The following ZNF410 variants were observed in gnomAD, a reference collection of about 807,000 sequenced individuals.
ZNF410 encodes the protein another partner for ARF 1.
In ZNF410, 18 loss-of-function variants were observed where a neutral mutation model predicts 54.8. That is an observed-to-expected ratio of 0.33 (90% CI 0.23 to 0.49). The LOEUF is 0.49. Among genes scored for constraint, ZNF410 ranks in the 20% least tolerant of loss-of-function variants. The pLI, the probability that ZNF410 is intolerant of heterozygous loss-of-function variation, is 0.99. For missense variants in ZNF410, 405 were observed against 569.6 expected (o/e 0.71, Z 2.94); for synonymous variants, 191 against 207.3 (o/e 0.92, Z 0.68).
chr14:73,928,866 T>G (rs992980851), intron 11 of ZNF410, among the ~76,000 whole-genome samples: 3 of 152,096 alleles, frequency 2.0e-5, no homozygotes, highest in African/African-American at 7.2e-5. Flanking sequence ...GAGGATCAAC[T>G]TGAGCCCAGG....
chr14:73,920,856 G>C (rs1388827851), intron 8 of ZNF410, 124 bp from the exon 9 acceptor site: 4 of 1,298,204 alleles, frequency 3.1e-6, no homozygotes, highest in Non-Finnish European at 4.3e-6. Flanking sequence ...GGGAAGGTGC[G>C]GAATGGGAAA....
At chr14:73,898,805 T>C (rs1434320362) in intron 5 of ZNF410, among the ~76,000 whole-genome samples, 2 of 152,248 alleles carry the variant, frequency 1.3e-5, no homozygotes, top group Non-Finnish European at 2.9e-5. Flanking sequence ...CTATACTACT[T>C]ACTCTGTGTC....
At chr14:73,908,967 A>G in intron 7 of ZNF410, among the ~76,000 whole-genome samples, 1 of 152,200 alleles carries the variant, frequency 6.6e-6, no homozygotes, top group Non-Finnish European at 1.5e-5. Context: ...AGATGGATCT[A>G]CAAACTGAGT....
chr14:73,891,366 T>C (rs1160453494), intron 1 of ZNF410, among the ~76,000 whole-genome samples: 1 of 152,160 alleles, frequency 6.6e-6, no homozygotes, highest in East Asian at 1.9e-4. Context: ...TGTTGGTTTG[T>C]TTTTTGAGAT....
chr14:73,921,566 C>T (rs1305601472), intron 9 of ZNF410, among the ~76,000 whole-genome samples: 1 of 152,156 alleles, frequency 6.6e-6, no homozygotes, highest in Non-Finnish European at 1.5e-5. Flanking sequence ...CAACCTCTGC[C>T]TCCTGGGTTC....
In ZNF410 at chr14:73,893,788, T is replaced by G. The variant is rs1555352578; in HGVS notation, c.34-9T>G. On this transcript the variant is annotated splice_polypyrimidine_tract_variant and intron_variant, in intron 2 of 11. Transcript: ENST00000555044. The stretch of plus-strand genomic sequence containing the variant: ...TCGTATTTCTCAGTGTTGTCTTTTC[T>G]CCCCCCAGCTCCTGGTACAGTTTGT... 2 of 1,591,254 alleles carry G rather than the reference T, an allele frequency of 1.3e-6. No individual in the cohort carries two copies. The highest frequency in any genetic ancestry group is 1.7e-6 in the Non-Finnish European group (2 of 1,173,674).
At chr14:73,921,238 T>C in intron 9 of ZNF410, 133 bp downstream of exon 9, 2 of 1,177,216 alleles carry the variant, frequency 1.7e-6, no homozygotes, top group Non-Finnish European at 2.4e-6. Flanking sequence ...TTTGATGGGC[T>C]GATGGTTTCC....
At position 73,902,867 on chromosome 14, in the gene ZNF410, T is replaced by C. The variant is rs554649815; in HGVS notation, c.581-1093T>C. 5.3e-5 allele frequency among the ~76,000 whole-genome samples: 8 copies of C among 152,328 alleles called. 1 individual carries two copies. The South Asian group carries it at 1.4e-3, about 28-fold the overall frequency. Reference sequence around the variant, plus strand: ...TTTGTACTCCTCTCCTCACCTCTCTTTATTCTGTTGAACAAAACTCCAGTA... The same window carrying C: ...TTTGTACTCCTCTCCTCACCTCTCTCTATTCTGTTGAACAAAACTCCAGTA... On this transcript the variant is annotated intron_variant, in intron 5 of 11. Transcript: ENST00000555044.
chr14:73,893,595 T>C (rs928556871), intron 2 of ZNF410: 6 of 498,924 alleles, frequency 1.2e-5, no homozygotes, highest in Non-Finnish European at 2.0e-5. Context: ...AATGTCGTTT[T>C]GCAGCACATG....
intron 11 of ZNF410, among the ~76,000 whole-genome samples, chr14:73,923,921 G>A (rs2055791193): frequency 6.6e-6 from 1 of 152,200 alleles, no homozygotes; most frequent in Admixed American, 6.5e-5. Context: ...TGAAATTTCT[G>A]TACCAGACAG....
At position 73,932,414 on chromosome 14, in the gene ZNF410, A is replaced by G. The variant is rs1246345430; in HGVS notation, c.*873A>G. 2.2e-6 allele frequency: 1 copy of G among 452,028 alleles called. No homozygotes were observed. Among genetic ancestry groups the G allele is most frequent in the East Asian group, 7.0e-5 (1 of 14,360 alleles). The allele number at this position is 452,028 out of a possible 1,614,324, so 28.0% of individuals were successfully genotyped here. ...CTGAACCGAGGAGTCTTAGGAAACAACAAGAACATCTTCATTTCTTAAGCC... is the reference window on the plus strand; with the variant it reads ...CTGAACCGAGGAGTCTTAGGAAACAGCAAGAACATCTTCATTTCTTAAGCC... On this transcript the variant is annotated 3_prime_UTR_variant, in exon 12 of 12. Coordinates refer to ENST00000555044, the MANE Select transcript of ZNF410 (RefSeq NM_021188.3).
intron 7 of ZNF410, among the ~76,000 whole-genome samples, chr14:73,908,481 T>C (rs2055526356): frequency 6.6e-6 from 1 of 152,178 alleles, no homozygotes; most frequent in Admixed American, 6.6e-5. Flanking sequence ...ATTAAAACAT[T>C]GAAAAAAGCT....
chr14:73,923,413 C>G lies in ZNF410; in HGVS notation c.1289C>G (p.Ser430Cys), dbSNP rs764545721. The G allele has an allele frequency of 2.2e-5, 36 of 1,612,938 alleles. No individual in the cohort carries two copies. The highest frequency in any genetic ancestry group is 6.7e-5 in the Admixed American group (4 of 59,778). ...TTCACAGAGGTGCTTGCTGAAGGAT[C>G]CCCACGTTCCCTGTCTTCAGTGCCT... ...GVDDEVLAEGSPRSLSSVPDV... is the reference protein window; with the variant it reads ...GVDDEVLAEGCPRSLSSVPDV... Residue 430 changes from serine to cysteine, a missense_variant, in exon 11 of 12, where the codon TCC becomes TGC. This residue lies in a region of ZNF410 where 127 missense variants were observed against 141.3 expected (regional missense o/e 0.90). Transcript: ENST00000555044.
At chr14:73,915,343 ATTTT>A (rs1216492554) in intron 8 of ZNF410, among the ~76,000 whole-genome samples, 1 of 143,416 alleles carries the variant, frequency 7.0e-6, no homozygotes, top group African/African-American at 2.5e-5. Flanking sequence ...TTCATGATTA[ATTTT>A]TTTTTTTTAA....
chr14:73,887,780 T>C (rs576306937), intron 1 of ZNF410, among the ~76,000 whole-genome samples: 1 of 152,372 alleles, frequency 6.6e-6, no homozygotes, highest in East Asian at 1.9e-4. Flanking sequence ...TCAGAAGTTT[T>C]AAGTTCTAGT....
Position 73,931,500 on chromosome 14 carries a change from C to T in ZNF410, c.1399-3C>T. On this transcript the variant is annotated splice_polypyrimidine_tract_variant and splice_region_variant and intron_variant, in intron 11 of 11. Transcript: ENST00000555044. The stretch of plus-strand genomic sequence containing the variant: ...TTCTAGATTTGCTTTCAATCTTTTA[C>T]AGTTACTAAACCAAGGAGATTTAAC... The T allele has an allele frequency of 1.2e-6, 2 of 1,606,256 alleles. No homozygotes were observed. The highest frequency in any genetic ancestry group is 1.7e-6 in the Non-Finnish European group (2 of 1,177,980).
At chr14:73,922,314 T>C in intron 10 of ZNF410, 108 bp downstream of exon 10, 1 of 1,210,788 alleles carries the variant, frequency 8.3e-7, no homozygotes. Context: ...TATGAGTAGC[T>C]GTGGTATGAG....
intron 1 of ZNF410, chr14:73,891,753 A>G: frequency 2.4e-6 from 1 of 413,386 alleles, no homozygotes; most frequent in Non-Finnish European, 4.3e-6. Context: ...TGTTTATTAC[A>G]TAGGATAAGA....
chr14:73,920,844 C>A, intron 8 of ZNF410, 136 bp from the exon 9 acceptor site: 1 of 1,149,250 alleles, frequency 8.7e-7, no homozygotes, highest in Non-Finnish European at 1.2e-6. Context: ...GTTTGAGAGG[C>A]TGGGAAGGTG....
Sources: allele counts gnomAD v4.1 joint callset (sites outside exome capture counted in the v4.1 genomes callset), GRCh38; gene constraint gnomAD v4.1.1; regional missense constraint gnomAD v4.1.1; transcripts MANE v1.5; gene names NCBI Gene and HGNC (gene_info 2026-07-23, HGNC 2026-07-21).